KCNC3: variants seen among roughly 807,000 people sequenced by gnomAD.
KCNC3 encodes the protein voltage-gated potassium channel KCNC3.
Under a neutral mutation model 43.9 loss-of-function variants are expected in KCNC3, and 22 were observed. The observed-to-expected ratio is 0.50, with a 90% CI of 0.36 to 0.72. KCNC3 has a LOEUF of 0.72. Ranked by LOEUF, KCNC3 falls within the 30% of genes least tolerant of loss-of-function variation. The probability of loss-of-function intolerance (pLI) is 0.00; values close to 1 mark genes in which losing one functional copy is unlikely to be tolerated. For synonymous variants in KCNC3, 492 were observed against 488.0 expected (o/e 1.01, Z -0.11); for missense variants, 829 against 1,073.8 (o/e 0.77, Z 3.19).
chr19:50,312,480 G>A lies in KCNC3; in HGVS notation c.*3635C>T, dbSNP rs1490681994. On this transcript the variant is annotated 3_prime_UTR_variant, in exon 5 of 5. Coordinates refer to ENST00000477616, the MANE Select transcript of KCNC3 (RefSeq NM_004977.3). ...CATGCAGCGCATGCGTGTAGGTGCA[G>A]GCACCCTGGCGGCCGGGGGGAAAAG... 1 of 152,248 alleles carries A rather than the reference G, an allele frequency of 6.6e-6. No homozygotes were observed. The highest frequency in any genetic ancestry group is 1.5e-5 in the Non-Finnish European group (1 of 68,082). The allele number at this position is 152,248 out of a possible 1,614,324, so 9.4% of individuals were successfully genotyped here.
At position 50,323,076 on chromosome 19, in the gene KCNC3, C is replaced by A. The variant is rs953932117; in HGVS notation, c.1877G>T (p.Gly626Val). 2.0e-5 allele frequency: 31 copies of A among 1,540,152 alleles called. No homozygotes were observed. Among genetic ancestry groups the A allele is most frequent in the African/African-American group, 1.4e-4 (10 of 73,040 alleles). ...GPHTHPGLLR[G>V]GAGGLGIMGL... ...CATGATCCCCAGCCCACCCGCTCCC[C>A]CCCTGAGCAGCCCGGGGTGCGTGTG... is the stretch of plus-strand genomic sequence containing the variant. The change falls in exon 2 of 5, where the codon GGG (glycine) becomes GTG (valine). Residue 626 changes from glycine to valine, a missense_variant. Coordinates refer to ENST00000477616, the MANE Select transcript of KCNC3 (RefSeq NM_004977.3).
In KCNC3 at chr19:50,327,601, A is replaced by G. The variant is rs538263226; in HGVS notation, c.870+612T>C. Among the ~76,000 whole-genome samples the G allele has an allele frequency of 4.6e-5, 7 of 152,092 alleles. No individual in the cohort carries two copies. In the South Asian group the frequency reaches 1.5e-3, roughly 32 times the overall value. ...TCAGAAGATTCAAACTTGGAGAGAG[A>G]GGTCTTCTGGGAGACGGGCCACGGG... is the stretch of plus-strand genomic sequence containing the variant. On this transcript the variant is annotated intron_variant, in intron 1 of 4. Coordinates refer to ENST00000477616, the MANE Select transcript of KCNC3 (RefSeq NM_004977.3).
upstream of KCNC3, among the ~76,000 whole-genome samples, chr19:50,331,609 C>T (rs954274655): frequency 7.2e-6 from 1 of 138,188 alleles, no homozygotes; most frequent in African/African-American, 2.8e-5. Context: ...GGTGTATTTC[C>T]CCCTCCTTCT....
intron 2 of KCNC3, among the ~76,000 whole-genome samples, chr19:50,321,997 G>T (rs981318705): frequency 3.3e-5 from 5 of 152,078 alleles, no homozygotes; most frequent in Non-Finnish European, 5.9e-5. Flanking sequence ...GAAGGGCTAG[G>T]TTAGGTGAGA....
upstream of KCNC3, among the ~76,000 whole-genome samples, chr19:50,330,907 G>T (rs1420538155): frequency 6.6e-6 from 1 of 152,008 alleles, no homozygotes. Flanking sequence ...CAGCGGCTGC[G>T]GCTGGGGCTG....
At chr19:50,325,086 G>A (rs748897686) in intron 1 of KCNC3, among the ~76,000 whole-genome samples, 1 of 152,162 alleles carries the variant, frequency 6.6e-6, no homozygotes, top group Non-Finnish European at 1.5e-5. Flanking sequence ...ATTTCAAGAT[G>A]GGGGATAACC....
chr19:50,315,505 G>A lies in KCNC3; in HGVS notation c.*610C>T, dbSNP rs986872556. 1.3e-5 allele frequency: 2 copies of A among 151,990 alleles called. No homozygotes were observed. The highest frequency in any genetic ancestry group is 6.6e-5 in the Admixed American group (1 of 15,216). 9.4% of individuals were successfully genotyped at this position (151,990 alleles called of 1,614,324 possible). A position where few individuals can be genotyped will look rare whatever the true frequency, so the allele number is the denominator to read the frequency against. ...GCAGCCAGCGGAGAGGGCAGGGAAC[G>A]GTGCGGCCGCCGTAGCGGGGCTGGG... is the stretch of plus-strand genomic sequence containing the variant. On this transcript the variant is annotated 3_prime_UTR_variant, in exon 5 of 5. Transcript: ENST00000477616.
At chr19:50,320,927 G>A in intron 2 of KCNC3, 143 bp from the exon 3 acceptor site, 2 of 804,486 alleles carry the variant, frequency 2.5e-6, no homozygotes, top group Admixed American at 2.1e-5. Context: ...CAAGGGCAGG[G>A]TGATGGGAAG....
At position 50,315,523 on chromosome 19, in the gene KCNC3, G is replaced by C. The variant is rs919415527; in HGVS notation, c.*592C>G. ...AGGGAACGGTGCGGCCGCCGTAGCG[G>C]GGCTGGGGGCTGACCTAGTTGTAGG... On this transcript the variant is annotated 3_prime_UTR_variant, in exon 5 of 5. Coordinates refer to ENST00000477616, the MANE Select transcript of KCNC3 (RefSeq NM_004977.3). The C allele has an allele frequency of 5.3e-5, 8 of 151,758 alleles. No homozygotes were observed. Among genetic ancestry groups the C allele is most frequent in the African/African-American group, 2.0e-4 (8 of 40,986 alleles). 9.4% of individuals were successfully genotyped at this position (151,758 alleles called of 1,614,324 possible). A position where few individuals can be genotyped will look rare whatever the true frequency, so the allele number is the denominator to read the frequency against.
intron 2 of KCNC3, 29 bp downstream of exon 2, chr19:50,322,946 T>C (rs921032254): frequency 1.9e-6 from 3 of 1,549,126 alleles, no homozygotes; most frequent in African/African-American, 2.7e-5. Context: ...TCTCCACCTG[T>C]GCCCCCGATC....
rs1443871000 is a variant in KCNC3 at position 50,324,872 on chromosome 19, G to A, written c.871-790C>T. On this transcript the variant is annotated intron_variant, in intron 1 of 4. Coordinates refer to ENST00000477616, the MANE Select transcript of KCNC3 (RefSeq NM_004977.3). The surrounding 1 kb of genome is among the most constrained non-coding windows in gnomAD (Gnocchi z 4.1). ...CCACAGAGGGGAGGTGGGGGTCCGG[G>A]CCCTTAAGGGAGGAGGGGTTGAAGG... Among the ~76,000 whole-genome samples the A allele has an allele frequency of 6.6e-6, 1 of 152,004 alleles. No homozygotes were observed. Among genetic ancestry groups the A allele is most frequent in the Non-Finnish European group, 1.5e-5 (1 of 67,998 alleles).
intron 2 of KCNC3, among the ~76,000 whole-genome samples, chr19:50,322,275 G>T (rs371392820): frequency 6.6e-6 from 1 of 152,038 alleles, no homozygotes; most frequent in Non-Finnish European, 1.5e-5. Flanking sequence ...CTCATCTCTC[G>T]CTTGTCTCTT....
chr19:50,321,461 T>A (rs1486419281), intron 2 of KCNC3, among the ~76,000 whole-genome samples: 4 of 151,474 alleles, frequency 2.6e-5, no homozygotes, highest in Admixed American at 2.6e-4. Context: ...TGAGACCCTG[T>A]CTCCAAAAAA....
chr19:50,332,808 T>G (rs2123556964), upstream of KCNC3, among the ~76,000 whole-genome samples: 1 of 151,890 alleles, frequency 6.6e-6, no homozygotes, highest in East Asian at 1.9e-4. The surrounding 1 kb of genome is among the most constrained non-coding windows in gnomAD (Gnocchi z 5.8). Context: ...TCCTGAAAGC[T>G]CCAACTCCCA....
At chr19:50,325,645 G>A (rs1326268659) in intron 1 of KCNC3, among the ~76,000 whole-genome samples, 1 of 152,162 alleles carries the variant, frequency 6.6e-6, no homozygotes, top group Non-Finnish European at 1.5e-5. Flanking sequence ...GGCCTTCGCA[G>A]AGCGCATGCC....
In KCNC3 at chr19:50,314,522, G is replaced by C. The variant is rs1404428784; in HGVS notation, c.*1593C>G. ...GTTAGGGAAGGCATGCAGTGTGTGG[G>C]GGGAGGTGCCCCAAGATGTAACTGG... On this transcript the variant is annotated 3_prime_UTR_variant, in exon 5 of 5. Coordinates refer to ENST00000477616, the MANE Select transcript of KCNC3 (RefSeq NM_004977.3). The C allele has an allele frequency of 6.7e-5, 17 of 252,594 alleles. No homozygotes were observed. Among genetic ancestry groups the C allele is most frequent in the Non-Finnish European group, 7.8e-6 (1 of 127,664 alleles). 15.6% of individuals were successfully genotyped at this position (252,594 alleles called of 1,614,324 possible). A position where few individuals can be genotyped will look rare whatever the true frequency, so the allele number is the denominator to read the frequency against.
At chr19:50,320,194 CG>C in intron 4 of KCNC3, 28 bp downstream of exon 4, 2 of 226,320 alleles carry the variant, frequency 8.8e-6, no homozygotes. Flanking sequence ...TCTGGGGGTC[CG>C]GGGGATCAGA....
In KCNC3 at chr19:50,328,329, C is replaced by T; in HGVS notation, c.754G>A (p.Gly252Ser). Residue 252 changes from glycine to serine, a missense_variant, in exon 1 of 5, where the codon GGC (glycine) becomes AGC (serine). Around this residue, in one of 7 missense-constraint regions of KCNC3, gnomAD observed 60 missense variants for 56.0 expected, o/e 1.07. Transcript: ENST00000477616. ...CCCCCTGGCGGCCCCCCGGCGCCGCCGCCCGCGTCCTGGAAGCAGAGGCGC... is the reference window on the plus strand; with the variant it reads ...CCCCCTGGCGGCCCCCCGGCGCCGCTGCCCGCGTCCTGGAAGCAGAGGCGC... ...LKRLCFQDAG[G>S]GAGGPPGGAG... 5.3e-6 allele frequency: 6 copies of T among 1,141,468 alleles called. No homozygotes were observed. Among genetic ancestry groups the T allele is most frequent in the Non-Finnish European group, 6.4e-6 (6 of 933,058 alleles). 70.7% of individuals were successfully genotyped at this position (1,141,468 alleles called of 1,614,324 possible). A position where few individuals can be genotyped will look rare whatever the true frequency, so the allele number is the denominator to read the frequency against.
rs1601103045 is a variant in KCNC3 at position 50,328,921 on chromosome 19, G to A, written c.162C>T (p.Gly54=). The change falls in exon 1 of 5, where the codon GGC becomes GGT. Residue 54 remains glycine, a synonymous_variant. Coordinates refer to ENST00000477616, the MANE Select transcript of KCNC3 (RefSeq NM_004977.3). ...AQPGPAASPA[G]PPAPRGPGDR... is the part of the protein sequence containing the mutation. The stretch of plus-strand genomic sequence containing the variant: ...CCCCGGGCCCGCGGGGTGCCGGGGG[G>A]CCCGCCGGGGACGCGGCGGGGCCGG... 48 of 860,310 alleles carry A rather than the reference G, an allele frequency of 5.6e-5. 1 individual carries two copies. The South Asian group carries it at 1.1e-3, about 19-fold the overall frequency. The allele number at this position is 860,310 out of a possible 1,614,324, so 53.3% of individuals were successfully genotyped here.
Sources: allele counts gnomAD v4.1 joint callset (sites outside exome capture counted in the v4.1 genomes callset), GRCh38; gene constraint gnomAD v4.1.1; regional missense constraint gnomAD v4.1.1; non-coding constraint Gnocchi (gnomAD v3.1); transcripts MANE v1.5; gene names NCBI Gene and HGNC (gene_info 2026-07-23, HGNC 2026-07-21).